Variants in CSGALNACT1 observed in about 807,000 individuals in gnomAD.
The protein encoded by CSGALNACT1 is beta4GalNAcT-1.
Under a neutral mutation model 51.0 loss-of-function variants are expected in CSGALNACT1, and 52 were observed. That is an observed-to-expected ratio of 1.02 (90% CI 0.82 to 1.29). The LOEUF (loss-of-function observed/expected upper bound fraction) is 1.29, where lower values mean the gene tolerates loss of function less well. Ranked by LOEUF, CSGALNACT1 falls within the 50% of genes most tolerant of loss-of-function variation. The probability of loss-of-function intolerance (pLI) is 0.00; values close to 1 mark genes in which losing one functional copy is unlikely to be tolerated. For missense variants in CSGALNACT1, 935 were observed against 679.2 expected (o/e 1.38, Z -4.19); for synonymous variants, 341 against 254.4 (o/e 1.34, Z -3.24).
intron 1 of CSGALNACT1, among the ~76,000 whole-genome samples, chr8:19,643,527 A>T (rs2056953318): frequency 6.6e-6 from 1 of 152,100 alleles, no homozygotes; most frequent in Non-Finnish European, 1.5e-5. Flanking sequence ...AATCCCAGCT[A>T]CTTGGGAGGC....
intron 5 of CSGALNACT1, among the ~76,000 whole-genome samples, chr8:19,443,033 C>T (rs1350978884): frequency 2.6e-5 from 4 of 152,140 alleles, no homozygotes; most frequent in Non-Finnish European, 4.4e-5. Context: ...AGGCACCGAG[C>T]ACCTCATGCT....
chr8:19,663,102 C>T (rs1335764714), intron 1 of CSGALNACT1, among the ~76,000 whole-genome samples: 1 of 152,170 alleles, frequency 6.6e-6, no homozygotes, highest in African/African-American at 2.4e-5. Context: ...TCACTGCCTC[C>T]ACAATGCCCC....
At chr8:19,415,225 C>A (rs893258282) in intron 8 of CSGALNACT1, among the ~76,000 whole-genome samples, 3 of 152,172 alleles carry the variant, frequency 2.0e-5, no homozygotes, top group African/African-American at 7.2e-5. Context: ...GTAATGAAAG[C>A]GTTTCATTTC....
intron 3 of CSGALNACT1, among the ~76,000 whole-genome samples, chr8:19,524,092 G>A (rs1413529406): frequency 2.6e-5 from 4 of 152,206 alleles, no homozygotes; most frequent in African/African-American, 9.7e-5. Context: ...CCAGGAGTTT[G>A]AGACAAGCCT....
intron 1 of CSGALNACT1, among the ~76,000 whole-genome samples, chr8:19,709,729 C>A (rs999815273): frequency 6.6e-6 from 1 of 152,190 alleles, no homozygotes; most frequent in Admixed American, 6.5e-5. Context: ...AGCCTGCCCC[C>A]CCGCCCAGAG....
chr8:19,726,566 C>T (rs577571526), intron 1 of CSGALNACT1, among the ~76,000 whole-genome samples: 2 of 152,228 alleles, frequency 1.3e-5, no homozygotes, highest in African/African-American at 2.4e-5. Flanking sequence ...ACCTCACATG[C>T]TTATCATTTT....
chr8:19,573,985 A>G (rs900228745), intron 3 of CSGALNACT1, among the ~76,000 whole-genome samples: 2 of 152,182 alleles, frequency 1.3e-5, no homozygotes, highest in African/African-American at 4.8e-5. Flanking sequence ...CAGTGATGCT[A>G]TGACGGCTCA....
Position 19,638,328 on chromosome 8 carries a change from G to T in CSGALNACT1, c.-543-36463C>A, listed in dbSNP as rs1294845901. On this transcript the variant is annotated intron_variant, in intron 1 of 9. Transcript: ENST00000332246. ...AGAGCGGAAAATGGGCAACAGACAA[G>T]CCCACCCAGAAGGGAAGAAAAGCAC... Among the ~76,000 whole-genome samples, 7 of 152,276 alleles carry T rather than the reference G, an allele frequency of 4.6e-5. No individual in the cohort carries two copies. The South Asian group carries it at 1.4e-3, about 32-fold the overall frequency.
chr8:19,404,832 A>G, exon 10 of CSGALNACT1: 1 of 454,530 alleles, frequency 2.2e-6, no homozygotes, highest in South Asian at 1.6e-5. Context: ...TAAAGCAGAA[A>G]GTGTCATTTT....
chr8:19,618,269 A>G (rs772210356), intron 1 of CSGALNACT1, among the ~76,000 whole-genome samples: 1 of 152,198 alleles, frequency 6.6e-6, no homozygotes, highest in Non-Finnish European at 1.5e-5. Flanking sequence ...ATGTCTCGGC[A>G]AAATATATAC....
Position 19,505,102 on chromosome 8 carries a change from A to G in CSGALNACT1, c.634+99T>C, listed in dbSNP as rs2077052172. 12 of 1,358,520 alleles carry G rather than the reference A, an allele frequency of 8.8e-6. 1 individual carries two copies. The highest frequency in any genetic ancestry group is 8.2e-5 in the South Asian group (7 of 85,312). The allele number at this position is 1,358,520 out of a possible 1,614,324, so 84.2% of individuals were successfully genotyped here. A position where few individuals can be genotyped will look rare whatever the true frequency, so the allele number is the denominator to read the frequency against. On this transcript the variant is annotated intron_variant, in intron 4 of 9. Coordinates refer to ENST00000454498, the Ensembl canonical transcript of CSGALNACT1. ...CATAAAACTTTCCGCCAGCCATCCC[A>G]GAGCCAGCTGCCAGCCTCCTGGAGC... is the stretch of plus-strand genomic sequence containing the variant.
chr8:19,466,140 G>C (rs909993302), intron 4 of CSGALNACT1, among the ~76,000 whole-genome samples: 2 of 151,820 alleles, frequency 1.3e-5, no homozygotes, highest in African/African-American at 4.8e-5. Context: ...GATTTTTAAT[G>C]GAAAAAAAAT....
chr8:19,542,881 C>A (rs531056561), intron 3 of CSGALNACT1, among the ~76,000 whole-genome samples: 1 of 152,240 alleles, frequency 6.6e-6, no homozygotes, highest in East Asian at 1.9e-4. Context: ...AGAAGCCCTT[C>A]TGTAGATTCC....
At chr8:19,577,979 G>A (rs1303081643) in intron 3 of CSGALNACT1, among the ~76,000 whole-genome samples, 2 of 152,108 alleles carry the variant, frequency 1.3e-5, no homozygotes, top group African/African-American at 2.4e-5. Flanking sequence ...CGGAATAACT[G>A]GATCCCATAG....
intron 1 of CSGALNACT1, among the ~76,000 whole-genome samples, chr8:19,671,696 A>G (rs1430811264): frequency 6.6e-6 from 1 of 152,200 alleles, no homozygotes; most frequent in Non-Finnish European, 1.5e-5. Context: ...GTAGGGACGA[A>G]GTAAAGAGTA....
intron 3 of CSGALNACT1, among the ~76,000 whole-genome samples, chr8:19,586,146 T>A (rs1341309003): frequency 6.6e-6 from 1 of 152,108 alleles, no homozygotes; most frequent in Admixed American, 6.6e-5. Context: ...GCAGATCACA[T>A]GAGGTCAGGA....
chr8:19,530,222 A>G (rs1053297526), intron 3 of CSGALNACT1, among the ~76,000 whole-genome samples: 5 of 150,080 alleles, frequency 3.3e-5, no homozygotes, highest in African/African-American at 9.9e-5. Flanking sequence ...CTCTGGCTGA[A>G]AAAACAAAAC....
chr8:19,560,324 G>T (rs1372769353), intron 3 of CSGALNACT1, among the ~76,000 whole-genome samples: 1 of 152,064 alleles, frequency 6.6e-6, no homozygotes, highest in Non-Finnish European at 1.5e-5. Context: ...TCATGACCTT[G>T]AGCTAGGAAA....
At chr8:19,522,050 GT>G (rs1165684406) in intron 3 of CSGALNACT1, among the ~76,000 whole-genome samples, 4 of 152,190 alleles carry the variant, frequency 2.6e-5, no homozygotes, top group Non-Finnish European at 5.9e-5. Context: ...CCCTGCAGTT[GT>G]TTGGTTTCTT....
Sources: gnomAD v4.1 joint callset for allele counts (sites outside exome capture counted in the v4.1 genomes callset) on GRCh38, gnomAD v4.1.1 for gene constraint, MANE v1.5 for transcripts, NCBI Gene and HGNC (gene_info 2026-07-23, HGNC 2026-07-21) for gene names.